Variants in AKAP13 observed in about 807,000 individuals in gnomAD.
AKAP13 encodes A-kinase anchoring protein 13, also known as A-kinase anchor protein 13.
Under a neutral mutation model 264.5 loss-of-function variants are expected in AKAP13, and 80 were observed. The observed-to-expected ratio is 0.30, with a 90% CI of 0.25 to 0.36. The LOEUF (loss-of-function observed/expected upper bound fraction) is 0.36, where lower values mean the gene tolerates loss of function less well. Ranked by LOEUF, AKAP13 falls within the 10% of genes least tolerant of loss-of-function variation. AKAP13 has a pLI of 1.00. For synonymous variants in AKAP13, 1,380 were observed against 1,250.2 expected (o/e 1.10, Z -2.19); for missense variants, 3,712 against 3,435.2 (o/e 1.08, Z -2.01).
intron 14 of AKAP13, among the ~76,000 whole-genome samples, chr15:85,678,590 A>C (rs1425560360): frequency 2.6e-5 from 4 of 152,168 alleles, no homozygotes; most frequent in African/African-American, 2.4e-5. Context: ...GGCTGGGTGC[A>C]GTGGCTCACA....
intron 13 of AKAP13, among the ~76,000 whole-genome samples, chr15:85,666,911 A>G (rs992252075): frequency 6.6e-6 from 1 of 152,208 alleles, no homozygotes; most frequent in African/African-American, 2.4e-5. Flanking sequence ...GAGAATTCAA[A>G]TTATTTGCTT....
At chr15:85,714,452 C>T (rs1047621958) in intron 19 of AKAP13, among the ~76,000 whole-genome samples, 4 of 152,170 alleles carry the variant, frequency 2.6e-5, no homozygotes, top group Non-Finnish European at 5.9e-5. Context: ...AAATTTTCCT[C>T]ATCTGTAAAT....
intron 1 of AKAP13, among the ~76,000 whole-genome samples, chr15:85,471,760 G>A (rs917860403): frequency 4.6e-5 from 7 of 152,146 alleles, no homozygotes; most frequent in Non-Finnish European, 8.8e-5. Context: ...ATAAGAATGG[G>A]ATCGCATAAT....
chr15:85,566,621 A>G (rs902241706), intron 5 of AKAP13, among the ~76,000 whole-genome samples: 4 of 143,074 alleles, frequency 2.8e-5, no homozygotes, highest in African/African-American at 1.0e-4. Flanking sequence ...AAAGAAAATA[A>G]CTTACTTTTT....
intron 5 of AKAP13, among the ~76,000 whole-genome samples, chr15:85,548,262 T>G (rs1409659975): frequency 6.6e-6 from 1 of 152,222 alleles, no homozygotes; most frequent in Admixed American, 6.5e-5. Context: ...TAAGCCTTGA[T>G]TTCTTCATCT....
chr15:85,602,856 A>T (rs1387559982), intron 8 of AKAP13, among the ~76,000 whole-genome samples: 1 of 152,214 alleles, frequency 6.6e-6, no homozygotes, highest in Non-Finnish European at 1.5e-5. Context: ...CATTTGGAAA[A>T]TATTGATTCA....
At chr15:85,701,508 C>T (rs917907375) in intron 17 of AKAP13, among the ~76,000 whole-genome samples, 11 of 152,104 alleles carry the variant, frequency 7.2e-5, no homozygotes, top group Non-Finnish European at 1.3e-4. Context: ...GGCGCAATCT[C>T]GGCTCACTGC....
At chr15:85,725,342 C>T (rs538943052) in intron 26 of AKAP13, among the ~76,000 whole-genome samples, 6 of 149,598 alleles carry the variant, frequency 4.0e-5, no homozygotes, top group Non-Finnish European at 8.9e-5. Context: ...ATATAAACTT[C>T]AAGATTCAAT....
chr15:85,497,044 T>C (rs755786823), intron 2 of AKAP13, among the ~76,000 whole-genome samples: 85 of 152,250 alleles, frequency 5.6e-4, no homozygotes, highest in Non-Finnish European at 1.2e-4. Context: ...CAAAGACTTT[T>C]CAGAGCCTTT....
intron 5 of AKAP13, among the ~76,000 whole-genome samples, chr15:85,555,723 A>G (rs1160127223): frequency 6.6e-6 from 1 of 152,214 alleles, no homozygotes; most frequent in Admixed American, 6.5e-5. Context: ...AGGCAAGGTA[A>G]GAAGGCAGAG....
chr15:85,675,982 G>A (rs1194882150), intron 14 of AKAP13, among the ~76,000 whole-genome samples: 1 of 152,056 alleles, frequency 6.6e-6, no homozygotes, highest in Non-Finnish European at 1.5e-5. Flanking sequence ...CGCTATCTCG[G>A]CTCACTGCAA....
chr15:85,580,927 A>G lies in AKAP13; in HGVS notation c.2859A>G (p.Thr953=). ...GAACTTTGCAGGAAGAGCAGAGAAC[A>G]CCACCTCCTGGACAAGATACTCAAC... ...SSGTLQEEQR[T]PPPGQDTQQF... is the part of the protein sequence containing the mutation. Residue 953 remains threonine (T), a synonymous_variant, in exon 7 of 37, where the codon ACA becomes ACG. Coordinates refer to ENST00000394518, the MANE Select transcript of AKAP13 (RefSeq NM_007200.5). 6.2e-7 allele frequency: 1 copy of G among 1,614,192 alleles called. No homozygotes were observed. Among genetic ancestry groups the G allele is most frequent in the Non-Finnish European group, 8.5e-7 (1 of 1,180,036 alleles).
intron 16 of AKAP13, among the ~76,000 whole-genome samples, chr15:85,688,491 G>A (rs1252499377): frequency 6.6e-6 from 1 of 152,164 alleles, no homozygotes; most frequent in Non-Finnish European, 1.5e-5. Context: ...AACTCTTAGA[G>A]AAGTGTCTAA....
At chr15:85,639,504 C>G (rs551028406) in intron 9 of AKAP13, 55 bp downstream of exon 9, 2 of 1,321,458 alleles carry the variant, frequency 1.5e-6, no homozygotes, top group East Asian at 2.3e-5. Flanking sequence ...TCTGGCAGAT[C>G]GTTTTATTTG....
At chr15:85,736,504 G>A (rs991047241) in intron 33 of AKAP13, among the ~76,000 whole-genome samples, 1 of 152,026 alleles carries the variant, frequency 6.6e-6, no homozygotes, top group Non-Finnish European at 1.5e-5. Context: ...TACCTCCCAG[G>A]CTCAGGCAAT....
intron 2 of AKAP13, among the ~76,000 whole-genome samples, chr15:85,506,008 G>T (rs1418368293): frequency 1.3e-5 from 2 of 152,118 alleles, no homozygotes; most frequent in Admixed American, 1.3e-4. Flanking sequence ...TAGAAAGATT[G>T]TCAGGCCGGG....
chr15:85,594,126 A>G (rs2079703572), intron 8 of AKAP13, among the ~76,000 whole-genome samples: 1 of 152,192 alleles, frequency 6.6e-6, no homozygotes, highest in Non-Finnish European at 1.5e-5. Context: ...TTAGATAATG[A>G]TTTTTAAATG....
intron 30 of AKAP13, among the ~76,000 whole-genome samples, chr15:85,733,658 T>C (rs186345712): frequency 6.6e-6 from 1 of 152,306 alleles, no homozygotes; most frequent in Non-Finnish European, 1.5e-5. Context: ...TTTGATCTCT[T>C]CATCTTTTTA....
chr15:85,737,370 T>C (rs184957633), intron 33 of AKAP13, among the ~76,000 whole-genome samples: 5 of 152,296 alleles, frequency 3.3e-5, no homozygotes, highest in Non-Finnish European at 5.9e-5. Flanking sequence ...ATCTCTAAAA[T>C]TAATTCTGAG....
Sources: gnomAD v4.1 joint callset for allele counts (sites outside exome capture counted in the v4.1 genomes callset) on GRCh38, gnomAD v4.1.1 for gene constraint, MANE v1.5 for transcripts, NCBI Gene and HGNC (gene_info 2026-07-23, HGNC 2026-07-21) for gene names.